The following GNG7 variants were observed in gnomAD, a reference collection of about 807,000 sequenced individuals.
The protein encoded by GNG7 is guanine nucleotide-binding protein G(I)/G(S)/G(O) subunit gamma-7.
In GNG7, 1 loss-of-function variant was observed where a neutral mutation model predicts 4.0. The observed-to-expected ratio is 0.25, with a 90% CI of 0.09 to 1.18. The LOEUF (loss-of-function observed/expected upper bound fraction) is 1.18, where lower values mean the gene tolerates loss of function less well. GNG7 is among the 50% of genes most tolerant of loss of function. The pLI, the probability that GNG7 is intolerant of heterozygous loss-of-function variation, is 0.50. For synonymous variants in GNG7, 34 were observed against 36.9 expected (o/e 0.92, Z 0.29); for missense variants, 86 against 91.9 (o/e 0.94, Z 0.26).
chr19:2,524,910 G>A (rs1488905430), intron 3 of GNG7, among the ~76,000 whole-genome samples: 7 of 152,206 alleles, frequency 4.6e-5, no homozygotes, highest in South Asian at 2.1e-4. Flanking sequence ...ATGCGTGTGC[G>A]TGTGTGTGCG....
At chr19:2,554,816 A>G (rs1248115119) in intron 3 of GNG7, among the ~76,000 whole-genome samples, 1 of 152,026 alleles carries the variant, frequency 6.6e-6, no homozygotes, top group Admixed American at 6.6e-5. Context: ...CAGCCTCCCA[A>G]AGTGCTGGGA....
chr19:2,542,082 C>G (rs1047950943), intron 3 of GNG7, among the ~76,000 whole-genome samples: 3 of 146,002 alleles, frequency 2.1e-5, no homozygotes, highest in African/African-American at 7.6e-5. Flanking sequence ...CTTGGCTAGG[C>G]TCATGGGAGG....
At chr19:2,657,996 A>G (rs1228564643) in intron 1 of GNG7, among the ~76,000 whole-genome samples, 1 of 151,430 alleles carries the variant, frequency 6.6e-6, no homozygotes, top group East Asian at 1.9e-4. Flanking sequence ...GATGGCTCAT[A>G]CTCCTTACCC....
intron 2 of GNG7, chr19:2,610,704 C>T (rs1024620788): frequency 2.0e-5 from 3 of 151,742 alleles, no homozygotes. Context: ...TGGTCTCAAA[C>T]TCCTGGGCTT....
rs34818014 is a variant in GNG7, at chr19:2,606,665, T to A, written c.-78+39559A>T. On this transcript the variant is annotated intron_variant, in intron 2 of 4. Transcript: ENST00000382159. Reference sequence around the variant, plus strand: ...AGTGAAACTCTGTCTCAAAAAAAAATAATTAATTAATTAATTAATTAATTA... The same window carrying A: ...AGTGAAACTCTGTCTCAAAAAAAAAAAATTAATTAATTAATTAATTAATTA... Among the ~76,000 whole-genome samples the A allele has an allele frequency of 8.2e-3, 267 of 32,666 alleles. 5 individuals carry two copies. The highest frequency in any genetic ancestry group is 0.021 in the East Asian group (11 of 536). 21.4% of individuals were successfully genotyped at this position (32,666 alleles called of 152,430 possible).
chr19:2,545,649 TAAAA>T (rs34706450), intron 3 of GNG7, among the ~76,000 whole-genome samples: 11 of 90,530 alleles, frequency 1.2e-4, no homozygotes, highest in African/African-American at 3.8e-4. Flanking sequence ...GAAACTGTCT[TAAAA>T]AAAAAAAAAA....
chr19:2,686,276 G>A (rs1234106343), intron 1 of GNG7, among the ~76,000 whole-genome samples: 1 of 151,960 alleles, frequency 6.6e-6, no homozygotes, highest in Non-Finnish European at 1.5e-5. Flanking sequence ...TCCTGCCTCA[G>A]CCTCCCGAGT....
intron 2 of GNG7, among the ~76,000 whole-genome samples, chr19:2,575,908 C>A (rs1218277882): frequency 6.6e-6 from 1 of 151,490 alleles, no homozygotes; most frequent in Non-Finnish European, 1.5e-5. Context: ...CAGGCACACG[C>A]AGGCATACAC....
intron 3 of GNG7, among the ~76,000 whole-genome samples, chr19:2,537,529 C>T (rs1256644133): frequency 6.6e-6 from 1 of 152,178 alleles, no homozygotes; most frequent in Non-Finnish European, 1.5e-5. Context: ...GCCATGGCAC[C>T]TGGCTATAAT....
At chr19:2,542,866 A>G (rs1015191090) in intron 3 of GNG7, among the ~76,000 whole-genome samples, 2 of 138,656 alleles carry the variant, frequency 1.4e-5, no homozygotes, top group Admixed American at 7.2e-5. Flanking sequence ...TGCACACATC[A>G]TCTCTGCTGT....
intron 2 of GNG7, among the ~76,000 whole-genome samples, chr19:2,638,147 G>C (rs1041230805): frequency 6.6e-6 from 1 of 151,498 alleles, no homozygotes; most frequent in African/African-American, 2.4e-5. Context: ...GGTGGATCAC[G>C]AGGTCAGGAG....
chr19:2,607,220 CA>C (rs57526624), intron 2 of GNG7, among the ~76,000 whole-genome samples: 31 of 136,164 alleles, frequency 2.3e-4, no homozygotes, highest in Admixed American at 4.4e-4. Context: ...GACCCTGTGT[CA>C]AAAAAAAAAA....
At chr19:2,578,306 C>A (rs931761362) in intron 2 of GNG7, among the ~76,000 whole-genome samples, 1 of 152,092 alleles carries the variant, frequency 6.6e-6, no homozygotes, top group Non-Finnish European at 1.5e-5. Flanking sequence ...GAACCCAATA[C>A]GGGACCCAGA....
Position 2,557,686 on chromosome 19 carries a change from A to T in GNG7, c.-77-2498T>A, listed in dbSNP as rs1979609583. On this transcript the variant is annotated intron_variant, in intron 2 of 4. Coordinates refer to ENST00000382159, the MANE Select transcript of GNG7 (RefSeq NM_052847.3). The surrounding 1 kb of genome is among the most constrained non-coding windows in gnomAD (Gnocchi z 5.1). ...ACCTCAGCTCCTGATCCATAAAATC[A>T]GGACAGTGACCGAGGATGCTGGGGC... Among the ~76,000 whole-genome samples, 1 of 152,156 alleles carries T rather than the reference A, an allele frequency of 6.6e-6. No individual in the cohort carries two copies. The highest frequency in any genetic ancestry group is 1.5e-5 in the Non-Finnish European group (1 of 68,016).
At chr19:2,694,864 G>C (rs1424034467) in intron 1 of GNG7, among the ~76,000 whole-genome samples, 12 of 151,928 alleles carry the variant, frequency 7.9e-5, no homozygotes, top group Admixed American at 5.2e-4. Flanking sequence ...GGAGGCCAGG[G>C]ACGCTGCTCG....
At chr19:2,570,370 T>C (rs146053441) in intron 2 of GNG7, among the ~76,000 whole-genome samples, 2 of 152,246 alleles carry the variant, frequency 1.3e-5, no homozygotes, top group East Asian at 3.9e-4. Flanking sequence ...TATTCCTTTA[T>C]AGCAACACAA....
At chr19:2,541,739 CAAA>C (rs60594527) in intron 3 of GNG7, among the ~76,000 whole-genome samples, 33,338 of 135,372 alleles carry the variant, frequency 0.25, 4,177 homozygotes, top group Non-Finnish European at 0.3. Flanking sequence ...AAGACTCCAT[CAAA>C]AAAAAAAAAA....
intron 1 of GNG7, among the ~76,000 whole-genome samples, chr19:2,660,211 T>C (rs895967123): frequency 1.3e-5 from 2 of 152,204 alleles, no homozygotes; most frequent in Non-Finnish European, 2.9e-5. Flanking sequence ...GATTAGCTTA[T>C]TTCTGCAAGA....
chr19:2,691,866 CAAAA>C (rs10709787), intron 1 of GNG7, among the ~76,000 whole-genome samples: 7 of 126,002 alleles, frequency 5.6e-5, no homozygotes, highest in Non-Finnish European at 5.1e-5. Flanking sequence ...GATTGCATCT[CAAAA>C]AAAAAAAAAA....
Sources: allele counts gnomAD v4.1 joint callset (sites outside exome capture counted in the v4.1 genomes callset), GRCh38; gene constraint gnomAD v4.1.1; non-coding constraint Gnocchi (gnomAD v3.1); transcripts MANE v1.5; gene names NCBI Gene and HGNC (gene_info 2026-07-23, HGNC 2026-07-21).